Variants in TERB1 observed in about 807,000 individuals in gnomAD.
TERB1 encodes the protein telomere repeats-binding bouquet formation protein 1.
Under a neutral mutation model 92.3 loss-of-function variants are expected in TERB1, and 63 were observed. The observed-to-expected ratio is 0.68, with a 90% confidence interval of 0.56 to 0.84. TERB1 has a LOEUF of 0.84. Among genes scored for constraint, TERB1 ranks in the 40% least tolerant of loss-of-function variants. TERB1 has a pLI of 0.00. For synonymous variants in TERB1, 252 were observed against 283.9 expected (o/e 0.89, Z 1.13); for missense variants, 709 against 843.7 (o/e 0.84, Z 1.98).
rs1379803929 is a variant in TERB1, at chr16:66,768,141, G to T, written c.1647C>A (p.His549Gln). 6.4e-7 allele frequency: 1 copy of T among 1,550,542 alleles called. No individual in the cohort carries two copies. Among genetic ancestry groups the T allele is most frequent in the Non-Finnish European group, 8.7e-7 (1 of 1,146,056 alleles). The change falls in exon 15 of 19, where the codon CAC becomes CAA. Residue 549 changes from histidine (H) to glutamine (Q), a missense_variant. Coordinates refer to ENST00000433154, the MANE Select transcript of TERB1 (RefSeq NM_001136505.2). ...SSDHVFKHPV[H>Q]IAKNIKQQLP... is the part of the protein sequence containing the mutation. ...ACTGCTGCTTTATATTTTTGGCAAT[G>T]TGAACTGGGTGTTTAAAAACATGGT... is the stretch of plus-strand genomic sequence containing the variant.
chr16:66,771,327 T>C (rs574344223), intron 13 of TERB1, among the ~76,000 whole-genome samples: 6 of 152,306 alleles, frequency 3.9e-5, no homozygotes, highest in South Asian at 4.1e-4. Context: ...CTCTTAAACA[T>C]TGCTAGTGGG....
intron 3 of TERB1, among the ~76,000 whole-genome samples, chr16:66,794,649 G>A (rs895212734): frequency 1.3e-5 from 2 of 152,150 alleles, no homozygotes; most frequent in Admixed American, 6.5e-5. Context: ...AGTGGCTCAC[G>A]CCTGTAATCC....
chr16:66,759,315 T>C, intron 16 of TERB1, 25 bp from the exon 17 acceptor site: 2 of 1,501,468 alleles, frequency 1.3e-6, no homozygotes, highest in Non-Finnish European at 1.8e-6. Context: ...ATTAAAGTTA[T>C]GTGTAGATGT....
Position 66,797,147 on chromosome 16 carries a change from C to G in TERB1, c.-32-317G>C, listed in dbSNP as rs189748462. ...TAAACATATCTGGCATTTCTAAGCA[C>G]TATATGCATTCAACAAATTTTATTA... On this transcript the variant is annotated intron_variant, in intron 2 of 18. Coordinates refer to ENST00000433154, the MANE Select transcript of TERB1 (RefSeq NM_001136505.2). Among the ~76,000 whole-genome samples, 10 of 151,980 alleles carry G rather than the reference C, an allele frequency of 6.6e-5. No homozygotes were observed. In the East Asian group the frequency reaches 1.7e-3, roughly 26 times the overall value.
At chr16:66,778,817 C>A in intron 10 of TERB1, 46 bp downstream of exon 10, 1 of 1,422,630 alleles carries the variant, frequency 7.0e-7, no homozygotes, top group South Asian at 1.5e-5. Flanking sequence ...ATGCTATATT[C>A]AAACAAAATT....
At chr16:66,793,017 T>C (rs1252841802) in intron 3 of TERB1, among the ~76,000 whole-genome samples, 3 of 151,242 alleles carry the variant, frequency 2.0e-5, no homozygotes, top group African/African-American at 7.3e-5. Context: ...TAAAATTTTA[T>C]TTTATTTTAT....
chr16:66,794,920 AAAAC>A (rs2018903669), intron 3 of TERB1, among the ~76,000 whole-genome samples: 1 of 147,628 alleles, frequency 6.8e-6, no homozygotes, highest in Non-Finnish European at 1.5e-5. Flanking sequence ...AAAAAAAAAA[AAAAC>A]ACACACACAC....
At chr16:66,782,751 A>G (rs34323506) in intron 9 of TERB1, among the ~76,000 whole-genome samples, 76,995 of 151,968 alleles carry the variant, frequency 0.51, 20,387 homozygotes, top group African/African-American at 0.64. Context: ...AAAATCTGCT[A>G]GGATTTTGCT....
At chr16:66,775,074 T>G in intron 12 of TERB1, 44 bp downstream of exon 12, 1 of 1,539,982 alleles carries the variant, frequency 6.5e-7, no homozygotes, top group Non-Finnish European at 8.8e-7. Context: ...AATTCTCCTT[T>G]ATAAACTTTG....
At position 66,772,680 on chromosome 16, in the gene TERB1, A is replaced by G. The variant is rs1366893336; in HGVS notation, c.1181T>C (p.Ile394Thr). The change falls in exon 13 of 19, where the codon ATA becomes ACA. Residue 394 changes from isoleucine to threonine, a missense_variant. Physicochemically the swap from Ile to Thr is moderately conservative, Grantham distance 89. Transcript: ENST00000433154. ...TTCAAGATTATTCTCCTTCACACTT[A>G]TGTCCTTTAATTGCTGTGTTTCATT... is the stretch of plus-strand genomic sequence containing the variant. ...DENETQQLKD[I>T]SVKENNLEEH... The G allele has an allele frequency of 2.6e-6, 4 of 1,549,238 alleles. No homozygotes were observed. Among genetic ancestry groups the G allele is most frequent in the Non-Finnish European group, 3.5e-6 (4 of 1,144,904 alleles).
intron 9 of TERB1, among the ~76,000 whole-genome samples, chr16:66,781,611 C>G (rs1398054498): frequency 2.0e-5 from 3 of 151,002 alleles, no homozygotes; most frequent in Non-Finnish European, 2.9e-5. Flanking sequence ...GCTCCACCTC[C>G]TGGGTTCATG....
At chr16:66,794,146 C>T (rs1382894701) in intron 3 of TERB1, among the ~76,000 whole-genome samples, 2 of 152,122 alleles carry the variant, frequency 1.3e-5, no homozygotes, top group Non-Finnish European at 1.5e-5. Flanking sequence ...ATTGCCCAGG[C>T]TGGAGTGCAG....
intron 9 of TERB1, among the ~76,000 whole-genome samples, chr16:66,781,799 G>A (rs1176743620): frequency 6.6e-6 from 1 of 152,050 alleles, no homozygotes; most frequent in Non-Finnish European, 1.5e-5. Context: ...GCATTACAGG[G>A]GTGAGCCACC....
rs533185959 is a variant in TERB1, at chr16:66,771,575, C to A, written c.1272+1014G>T. Among the ~76,000 whole-genome samples the A allele has an allele frequency of 1.1e-4, 16 of 151,914 alleles. No homozygotes were observed. The South Asian group carries it at 3.3e-3, about 32-fold the overall frequency. On this transcript the variant is annotated intron_variant, in intron 13 of 18. Coordinates refer to ENST00000433154, the MANE Select transcript of TERB1 (RefSeq NM_001136505.2). Reference sequence around the variant, plus strand: ...ATCCCCCATAGATACCAAGGGTTGACTGTACTTTAAATGGGTGAACTGTAC... The same window carrying A: ...ATCCCCCATAGATACCAAGGGTTGAATGTACTTTAAATGGGTGAACTGTAC...
At chr16:66,786,453 G>T (rs2018730502) in intron 6 of TERB1, among the ~76,000 whole-genome samples, 168 bp from the exon 7 acceptor site, 1 of 152,150 alleles carries the variant, frequency 6.6e-6, no homozygotes, top group South Asian at 2.1e-4. Flanking sequence ...AGATTATTAT[G>T]AAAAATATGT....
chr16:66,780,090 C>T (rs1437235226), intron 9 of TERB1, among the ~76,000 whole-genome samples: 2 of 152,174 alleles, frequency 1.3e-5, no homozygotes, highest in Non-Finnish European at 2.9e-5. Flanking sequence ...TGGTCTCAAA[C>T]TCCTGAACTA....
chr16:66,761,172 C>T (rs1471760586), intron 16 of TERB1, among the ~76,000 whole-genome samples: 6 of 147,680 alleles, frequency 4.1e-5, no homozygotes, highest in African/African-American at 7.5e-5. Context: ...AGCATCTAGG[C>T]TGGGTGCAGT....
chr16:66,778,936 T>C lies in TERB1; in HGVS notation c.780A>G (p.Ser260=). 1 of 1,538,144 alleles carries C rather than the reference T, an allele frequency of 6.5e-7. No homozygotes were observed. Among genetic ancestry groups the C allele is most frequent in the Non-Finnish European group, 8.8e-7 (1 of 1,136,010 alleles). Residue 260 remains serine, a synonymous_variant, in exon 10 of 19, where the codon TCA becomes TCG. Transcript: ENST00000433154. Reference sequence around the variant, plus strand: ...GTTTAGCACTGGAAAGAGTCTCATGTGAATCAGATTCCAGCTGCATGAGAA... The same window carrying C: ...GTTTAGCACTGGAAAGAGTCTCATGCGAATCAGATTCCAGCTGCATGAGAA... ...SQVLMQLESD[S]HETLSSAKLA...
chr16:66,786,185 G>C (rs2018726129), intron 7 of TERB1, 40 bp downstream of exon 7: 2 of 1,527,824 alleles, frequency 1.3e-6, no homozygotes, highest in Non-Finnish European at 8.9e-7. Flanking sequence ...AAGGTCCTAA[G>C]TAATGAATAA....
Sources: gnomAD v4.1 joint callset for allele counts (sites outside exome capture counted in the v4.1 genomes callset) on GRCh38, gnomAD v4.1.1 for gene constraint, MANE v1.5 for transcripts, NCBI Gene and HGNC (gene_info 2026-07-23, HGNC 2026-07-21) for gene names.